CAMTA1: variants seen among roughly 807,000 people sequenced by gnomAD.
CAMTA1 encodes the protein calmodulin-binding transcription activator 1.
CAMTA1 carries 27 observed loss-of-function variants against 170.9 expected under a neutral mutation model. The ratio of observed to expected loss-of-function variants is 0.16; its 90% CI spans 0.12 to 0.22. The LOEUF is 0.22. Ranked by LOEUF, CAMTA1 falls within the 10% of genes least tolerant of loss-of-function variation. CAMTA1 has a pLI of 1.00. For missense variants in CAMTA1, 1,619 were observed against 2,217.2 expected (o/e 0.73, Z 5.42); for synonymous variants, 833 against 891.5 (o/e 0.93, Z 1.17).
chr1:6,798,359 G>C (rs1643057676), intron 1 of CAMTA1, among the ~76,000 whole-genome samples: 1 of 152,104 alleles, frequency 6.6e-6, no homozygotes, highest in Non-Finnish European at 1.5e-5. Flanking sequence ...TGCCACTGTA[G>C]AATTTATGAA....
intron 3 of CAMTA1, among the ~76,000 whole-genome samples, chr1:6,987,623 G>A (rs1233354810): frequency 2.6e-5 from 4 of 152,188 alleles, no homozygotes; most frequent in East Asian, 1.9e-4. Context: ...AGTTCTGACC[G>A]GAACAAACAG....
intron 11 of CAMTA1, among the ~76,000 whole-genome samples, chr1:7,678,822 C>G (rs964598467): frequency 6.6e-6 from 1 of 152,226 alleles, no homozygotes; most frequent in South Asian, 2.1e-4. Context: ...TCACGCACCC[C>G]GCACCCACAG....
At chr1:6,812,462 C>T (rs1245826742) in intron 1 of CAMTA1, among the ~76,000 whole-genome samples, 3 of 152,290 alleles carry the variant, frequency 2.0e-5, no homozygotes, top group East Asian at 1.9e-4. Context: ...TGATATTTTA[C>T]AATGCTCTCT....
chr1:6,789,336 TGTTTA>T (rs1254433972), intron 1 of CAMTA1, among the ~76,000 whole-genome samples: 1 of 152,178 alleles, frequency 6.6e-6, no homozygotes, highest in Non-Finnish European at 1.5e-5. Flanking sequence ...TAGAGAGTAG[TGTTTA>T]GTTTAGTCTC....
chr1:7,352,289 T>G (rs757679591), intron 5 of CAMTA1, among the ~76,000 whole-genome samples: 6 of 152,144 alleles, frequency 3.9e-5, no homozygotes, highest in Non-Finnish European at 7.4e-5. Flanking sequence ...GCTTCCTGGG[T>G]CCTTTCCAAA....
intron 3 of CAMTA1, among the ~76,000 whole-genome samples, chr1:6,984,814 G>T (rs12070886): frequency 0.042 from 6,336 of 152,212 alleles, 418 homozygotes; most frequent in African/African-American, 0.15. Flanking sequence ...GTTCAGACGC[G>T]TCAGGTCAGC....
At chr1:7,312,337 G>C (rs557327712) in intron 5 of CAMTA1, among the ~76,000 whole-genome samples, 1 of 152,086 alleles carries the variant, frequency 6.6e-6, no homozygotes, top group Non-Finnish European at 1.5e-5. Context: ...GATTTCTTCT[G>C]CTCTCTTTGA....
intron 1 of CAMTA1, among the ~76,000 whole-genome samples, chr1:6,798,673 T>C (rs1297504323): frequency 7.5e-6 from 1 of 133,432 alleles, no homozygotes; most frequent in Non-Finnish European, 1.6e-5. Flanking sequence ...CTCGGCTCAC[T>C]GCAAGCTCCG....
chr1:7,736,858 G>A lies in CAMTA1; in HGVS notation c.3264-73G>A, dbSNP rs1486670819. Reference sequence around the variant, plus strand: ...CCCAGTTGGGTTTCATCTTGGTGGGGTTTTATAATATTCTGGTGTTTCCTT... The same window carrying A: ...CCCAGTTGGGTTTCATCTTGGTGGGATTTTATAATATTCTGGTGTTTCCTT... On this transcript the variant is annotated intron_variant, in intron 13 of 22. Transcript: ENST00000303635. The surrounding 1 kb of genome is among the most constrained non-coding windows in gnomAD (Gnocchi z 4.5). 2 of 1,243,992 alleles carry A rather than the reference G, an allele frequency of 1.6e-6. No homozygotes were observed. Among genetic ancestry groups the A allele is most frequent in the East Asian group, 2.4e-5 (1 of 41,572 alleles). 77.1% of individuals were successfully genotyped at this position (1,243,992 alleles called of 1,614,324 possible). A position where few individuals can be genotyped will look rare whatever the true frequency, so the allele number is the denominator to read the frequency against.
At chr1:7,180,723 G>T (rs1426125086) in intron 4 of CAMTA1, among the ~76,000 whole-genome samples, 1 of 151,896 alleles carries the variant, frequency 6.6e-6, no homozygotes, top group East Asian at 1.9e-4. Flanking sequence ...TGTTGCCCAG[G>T]CTGGTCTTGA....
chr1:7,760,112 A>C (rs2096963291), intron 22 of CAMTA1, among the ~76,000 whole-genome samples: 1 of 152,246 alleles, frequency 6.6e-6, no homozygotes, highest in Non-Finnish European at 1.5e-5. Context: ...TGTTCAGTAA[A>C]GGCAGGTGCA....
intron 3 of CAMTA1, among the ~76,000 whole-genome samples, chr1:6,842,096 TCTCTC>T (rs1254185735): frequency 2.0e-5 from 3 of 152,340 alleles, no homozygotes; most frequent in South Asian, 2.1e-4. Context: ...CTTCTGCTCT[TCTCTC>T]CTCACCCGCT....
rs185624160 is a variant in CAMTA1 at position 7,542,013 on chromosome 1, C to T, written c.510+74112C>T. The stretch of plus-strand genomic sequence containing the variant: ...GGATGTGTGCCATAAATACTGGTTG[C>T]ATGAATGGCTATTTTTTTTTAACTT... On this transcript the variant is annotated intron_variant, in intron 6 of 22. Transcript: ENST00000303635. Among the ~76,000 whole-genome samples the T allele has an allele frequency of 7.2e-5, 11 of 152,312 alleles. No individual in the cohort carries two copies. The East Asian group carries it at 2.1e-3, about 29-fold the overall frequency.
intron 4 of CAMTA1, among the ~76,000 whole-genome samples, chr1:7,151,231 T>C (rs1248022836): frequency 6.6e-6 from 1 of 152,250 alleles, no homozygotes; most frequent in Non-Finnish European, 1.5e-5. Flanking sequence ...TGTGCTTTGA[T>C]GTGGCACCTT....
At chr1:6,999,695 G>A (rs1019910563) in intron 3 of CAMTA1, among the ~76,000 whole-genome samples, 5 of 152,118 alleles carry the variant, frequency 3.3e-5, no homozygotes, top group Non-Finnish European at 5.9e-5. Flanking sequence ...TAGAGCGGTT[G>A]TACTCCTTGG....
At chr1:7,651,935 T>C (rs562011835) in intron 7 of CAMTA1, among the ~76,000 whole-genome samples, 2 of 152,350 alleles carry the variant, frequency 1.3e-5, no homozygotes, top group South Asian at 4.1e-4. Context: ...TTGGAGGTTT[T>C]CCCTGCCCTT....
chr1:7,310,261 C>T (rs1448229043), intron 5 of CAMTA1, among the ~76,000 whole-genome samples: 1 of 152,204 alleles, frequency 6.6e-6, no homozygotes, highest in Non-Finnish European at 1.5e-5. Flanking sequence ...TTCTTTCTGG[C>T]CCCTGTAATT....
chr1:6,972,173 G>T (rs1328478812), intron 3 of CAMTA1, among the ~76,000 whole-genome samples: 1 of 152,146 alleles, frequency 6.6e-6, no homozygotes, highest in Non-Finnish European at 1.5e-5. Context: ...GTGCAGAGAA[G>T]GGGGTGACTG....
intron 5 of CAMTA1, among the ~76,000 whole-genome samples, chr1:7,328,217 G>T (rs2082808603): frequency 6.6e-6 from 1 of 152,194 alleles, no homozygotes; most frequent in Non-Finnish European, 1.5e-5. Flanking sequence ...TCTCAGACAG[G>T]TCGGGATGAT....
Sources: gnomAD v4.1 joint callset for allele counts (sites outside exome capture counted in the v4.1 genomes callset) on GRCh38, gnomAD v4.1.1 for gene constraint, Gnocchi (gnomAD v3.1) non-coding constraint, MANE v1.5 for transcripts, NCBI Gene and HGNC (gene_info 2026-07-23, HGNC 2026-07-21) for gene names.